Variants in GRIP1 observed in about 807,000 individuals in gnomAD.
GRIP1 encodes glutamate receptor-interacting protein 1.
A neutral mutation model predicts 129.9 loss-of-function variants in GRIP1; 45 were observed. The observed-to-expected ratio is 0.35, with a 90% CI of 0.27 to 0.44. The LOEUF is 0.44. Ranked by LOEUF, GRIP1 falls within the 20% of genes least tolerant of loss-of-function variation. The pLI is 1.00. For missense variants in GRIP1, 1,196 were observed against 1,396.8 expected, an observed-to-expected ratio of 0.86 and a Z score of 2.29; for synonymous variants, 530 against 520.8, an observed-to-expected ratio of 1.02 and a Z score of -0.24.
chr12:66,774,925 G>A (rs1211623296), intron 1 of GRIP1, among the ~76,000 whole-genome samples: 2 of 152,154 alleles, frequency 1.3e-5, no homozygotes, highest in Non-Finnish European at 2.9e-5. Flanking sequence ...AAGAGGGGGA[G>A]GGGGAGAATA....
chr12:66,890,755 G>A (rs1349983619), intron 1 of GRIP1, among the ~76,000 whole-genome samples: 1 of 152,312 alleles, frequency 6.6e-6, no homozygotes, highest in East Asian at 1.9e-4. Flanking sequence ...CTTTAGATCT[G>A]AAAAAGAAAT....
rs553713089 is a variant in GRIP1 at position 66,469,102 on chromosome 12, T to C, written c.725-3680A>G. Among the ~76,000 whole-genome samples the C allele has an allele frequency of 1.8e-4, 27 of 152,310 alleles. No homozygotes were observed. In the East Asian group the frequency reaches 5.2e-3, roughly 29 times the overall value. On this transcript the variant is annotated intron_variant, in intron 7 of 24. Transcript: ENST00000359742. ...ATGGTTAAGGGAAGAGGCAGTGTGG[T>C]GCTACACAAGGCTCAAGGCTGGAGC...
intron 15 of GRIP1, chr12:66,407,319 C>T (rs1262952325): frequency 6.6e-6 from 1 of 152,190 alleles, no homozygotes; most frequent in African/African-American, 2.4e-5. Flanking sequence ...GATCATCCTC[C>T]TTGCAGGAAC....
At chr12:66,733,782 T>G (rs916867717) in intron 1 of GRIP1, among the ~76,000 whole-genome samples, 1 of 152,198 alleles carries the variant, frequency 6.6e-6, no homozygotes, top group African/African-American at 2.4e-5. Context: ...CCCACTGAAG[T>G]AAGACAGCCT....
intron 1 of GRIP1, among the ~76,000 whole-genome samples, chr12:66,861,589 C>T (rs1448083010): frequency 6.6e-6 from 1 of 152,002 alleles, no homozygotes; most frequent in Non-Finnish European, 1.5e-5. Flanking sequence ...TCCCACATGG[C>T]CATGGAGAAC....
chr12:66,514,538 A>AAAGG (rs757300152), intron 7 of GRIP1, among the ~76,000 whole-genome samples: 19 of 152,196 alleles, frequency 1.2e-4, no homozygotes, highest in Admixed American at 4.6e-4. Flanking sequence ...AGAGAGAAAG[A>AAAGG]AAGGAAGGAA....
intron 23 of GRIP1, among the ~76,000 whole-genome samples, chr12:66,359,773 AAAGAT>A (rs200739145): frequency 0.012 from 1,847 of 152,326 alleles, 23 homozygotes; most frequent in Non-Finnish European, 0.019. Flanking sequence ...AAACTACATA[AAAGAT>A]AAGAGTCTAG....
At chr12:66,708,308 T>C (rs2035602918) in intron 1 of GRIP1, among the ~76,000 whole-genome samples, 1 of 151,902 alleles carries the variant, frequency 6.6e-6, no homozygotes, top group African/African-American at 2.4e-5. Context: ...AAATTACAGG[T>C]AATAAAAACT....
intron 5 of GRIP1, among the ~76,000 whole-genome samples, chr12:66,520,752 T>G: frequency 6.6e-6 from 1 of 152,230 alleles, no homozygotes; most frequent in East Asian, 1.9e-4. Flanking sequence ...TGATAATAAA[T>G]TACTCTTGGT....
chr12:66,902,937 C>A (rs2040866573), intron 1 of GRIP1, among the ~76,000 whole-genome samples: 1 of 152,110 alleles, frequency 6.6e-6, no homozygotes, highest in Non-Finnish European at 1.5e-5. Context: ...ATATACGTGA[C>A]AAATTAGTTG....
intron 20 of GRIP1, among the ~76,000 whole-genome samples, chr12:66,378,466 G>T (rs905866694): frequency 2.0e-5 from 3 of 149,608 alleles, no homozygotes; most frequent in Non-Finnish European, 3.0e-5. Flanking sequence ...ATAAAAAATA[G>T]GCTGGGCACG....
intron 1 of GRIP1, among the ~76,000 whole-genome samples, chr12:66,821,181 C>T (rs978220731): frequency 1.4e-4 from 22 of 151,964 alleles, no homozygotes; most frequent in Non-Finnish European, 3.1e-4. Context: ...AATATAAATT[C>T]TATTTAAAGA....
chr12:66,865,697 A>G (rs922919566), intron 1 of GRIP1, among the ~76,000 whole-genome samples: 1 of 151,874 alleles, frequency 6.6e-6, no homozygotes, highest in Middle Eastern at 3.4e-3. Flanking sequence ...AGCTTTTTCT[A>G]TCTCTATCTT....
At chr12:66,362,167 TA>T (rs964390921) in intron 23 of GRIP1, among the ~76,000 whole-genome samples, 40 of 110,584 alleles carry the variant, frequency 3.6e-4, no homozygotes, top group Middle Eastern at 4.3e-3. Context: ...TTTTTTTTTT[TA>T]ATGAGACAGA....
chr12:66,598,842 C>T (rs1408671805), intron 1 of GRIP1, among the ~76,000 whole-genome samples: 1 of 152,112 alleles, frequency 6.6e-6, no homozygotes, highest in African/African-American at 2.4e-5. Context: ...TTCTATTTGT[C>T]AAGATTCCAG....
intron 13 of GRIP1, among the ~76,000 whole-genome samples, chr12:66,443,598 G>A (rs549440207): frequency 3.9e-5 from 6 of 152,082 alleles, no homozygotes; most frequent in Non-Finnish European, 8.8e-5. Flanking sequence ...GGGACTATAG[G>A]TGCCCGCCAC....
intron 2 of GRIP1, among the ~76,000 whole-genome samples, chr12:66,581,801 T>G (rs968662672): frequency 2.0e-5 from 3 of 152,064 alleles, no homozygotes; most frequent in Non-Finnish European, 2.9e-5. Context: ...ACCAGATGGA[T>G]TCACAGCCGA....
At chr12:66,925,649 T>G (rs953824269) in intron 1 of GRIP1, among the ~76,000 whole-genome samples, 2 of 152,154 alleles carry the variant, frequency 1.3e-5, no homozygotes, top group Non-Finnish European at 2.9e-5. Context: ...GTTTTTTTGT[T>G]TGTTTGTTTT....
chr12:66,378,530 G>C (rs2055928008), intron 20 of GRIP1, among the ~76,000 whole-genome samples: 8 of 152,128 alleles, frequency 5.3e-5, no homozygotes, highest in Admixed American at 5.2e-4. Flanking sequence ...GGCGGATCAT[G>C]AGGGTCAGGA....
Sources: gnomAD v4.1 joint callset for allele counts (sites outside exome capture counted in the v4.1 genomes callset) on GRCh38, gnomAD v4.1.1 for gene constraint, MANE v1.5 for transcripts, NCBI Gene and HGNC (gene_info 2026-07-23, HGNC 2026-07-21) for gene names.